RAB27B: variants seen among roughly 807,000 people sequenced by gnomAD.
RAB27B encodes ras-related protein Rab-27B.
RAB27B carries 15 observed loss-of-function variants against 24.6 expected under a neutral mutation model. The ratio of observed to expected loss-of-function variants is 0.61; its 90% CI spans 0.41 to 0.94. The LOEUF is 0.94. Ranked by LOEUF, RAB27B falls within the 40% of genes least tolerant of loss-of-function variation. The pLI is 0.00. For missense variants in RAB27B, 261 were observed against 266.8 expected (o/e 0.98, Z 0.15); for synonymous variants, 105 against 92.5 (o/e 1.14, Z -0.78).
chr18:54,861,204 A>G (rs1374366102), intron 1 of RAB27B, among the ~76,000 whole-genome samples: 1 of 152,216 alleles, frequency 6.6e-6, no homozygotes, highest in Non-Finnish European at 1.5e-5. Flanking sequence ...GCAGCCAGCT[A>G]GAAAATGAAC....
rs28393231 is a variant in RAB27B, at chr18:54,885,648, C to T, written c.343+1212C>T. ...CATCACTCTGTATCCCCTCAACACACTTTATAGGTCATGGCCATCACCTGA... is the reference window on the plus strand; with the variant it reads ...CATCACTCTGTATCCCCTCAACACATTTTATAGGTCATGGCCATCACCTGA... On this transcript the variant is annotated intron_variant, in intron 4 of 5. Coordinates refer to ENST00000262094, the MANE Select transcript of RAB27B (RefSeq NM_004163.4). Among the ~76,000 whole-genome samples, 1,518 of 152,270 alleles carry T rather than the reference C, an allele frequency of 1.0e-2. 23 individuals carry two copies. The highest frequency in any genetic ancestry group is 0.034 in the African/African-American group (1,431 of 41,544).
chr18:54,780,146 T>A (rs1217444080), intron 2 of RAB27B, among the ~76,000 whole-genome samples: 2 of 139,268 alleles, frequency 1.4e-5, no homozygotes, highest in Non-Finnish European at 3.1e-5. Flanking sequence ...CCCCTCACCC[T>A]GTCTCCCCTT....
chr18:54,836,603 A>T (rs933416623), intron 1 of RAB27B, among the ~76,000 whole-genome samples: 1 of 151,962 alleles, frequency 6.6e-6, no homozygotes, highest in Non-Finnish European at 1.5e-5. Flanking sequence ...ATAAATATTA[A>T]CTATATGTTT....
intron 2 of RAB27B, among the ~76,000 whole-genome samples, chr18:54,823,151 T>C (rs1418757610): frequency 2.0e-5 from 3 of 152,252 alleles, no homozygotes; most frequent in Non-Finnish European, 4.4e-5. Flanking sequence ...AGAAAGTCTC[T>C]TAAGCATGTA....
chr18:54,758,910 T>G (rs1380731869), intron 2 of RAB27B, among the ~76,000 whole-genome samples: 1 of 152,136 alleles, frequency 6.6e-6, no homozygotes, highest in South Asian at 2.1e-4. Flanking sequence ...TAAAATGAGG[T>G]TGAGGGATCA....
chr18:54,768,910 A>C lies in RAB27B; in HGVS notation c.-20+50769A>C, dbSNP rs183662550. ...CTGGTCCTGCCCTTGACATGTAGGG[A>C]TTATGGGGATTACAATTCGAGGTGA... On this transcript the variant is annotated intron_variant, in intron 2 of 4. Transcript: ENST00000586570. 2.5e-3 allele frequency among the ~76,000 whole-genome samples: 385 copies of C among 152,202 alleles called. 1 individual carries two copies. Among genetic ancestry groups the C allele is most frequent in the African/African-American group, 8.9e-3 (369 of 41,538 alleles).
intron 1 of RAB27B, among the ~76,000 whole-genome samples, chr18:54,860,068 T>G (rs2012184): frequency 0.27 from 41,247 of 151,990 alleles, 5,629 homozygotes; most frequent in East Asian, 0.46. Context: ...TTTTGTGTTT[T>G]TGTTACATTG....
intron 1 of RAB27B, among the ~76,000 whole-genome samples, chr18:54,836,065 T>C (rs1910881642): frequency 6.6e-6 from 1 of 151,890 alleles, no homozygotes; most frequent in Non-Finnish European, 1.5e-5. Context: ...AGACAGAACA[T>C]ACTGATCACT....
chr18:54,856,643 A>G (rs575852348), intron 1 of RAB27B, among the ~76,000 whole-genome samples: 9 of 152,304 alleles, frequency 5.9e-5, no homozygotes, highest in Admixed American at 5.9e-4. Context: ...AGAACAGGGA[A>G]TGTCAACTGG....
rs1386488487 is a variant in RAB27B at position 54,873,058 on chromosome 18, A to C, written c.-19-4509A>C. On this transcript the variant is annotated intron_variant, in intron 1 of 5. Transcript: ENST00000262094. The stretch of plus-strand genomic sequence containing the variant: ...GGAAATTCTGTTTCTGCATATATCC[A>C]GGATAAAATTCCCTTTCCATATAAA... Among the ~76,000 whole-genome samples the C allele has an allele frequency of 3.3e-5, 5 of 152,124 alleles. No individual in the cohort carries two copies. In the East Asian group the frequency reaches 9.6e-4, roughly 29 times the overall value.
intron 1 of RAB27B, among the ~76,000 whole-genome samples, chr18:54,850,083 A>G (rs1225650690): frequency 6.6e-6 from 1 of 151,878 alleles, no homozygotes; most frequent in Admixed American, 6.6e-5. Flanking sequence ...CTGAAGGGCA[A>G]TTAGCCAACT....
chr18:54,724,499 G>A (rs1909467544), intron 2 of RAB27B, among the ~76,000 whole-genome samples: 1 of 151,294 alleles, frequency 6.6e-6, no homozygotes, highest in Non-Finnish European at 1.5e-5. Flanking sequence ...TTAGGCAGGG[G>A]GATAACTTGA....
intron 2 of RAB27B, among the ~76,000 whole-genome samples, chr18:54,776,791 A>T (rs1908729140): frequency 6.6e-6 from 1 of 152,164 alleles, no homozygotes; most frequent in South Asian, 2.1e-4. Flanking sequence ...TGGCATGGTC[A>T]GGCATGCCCG....
intron 3 of RAB27B, among the ~76,000 whole-genome samples, chr18:54,882,050 C>G (rs190691442): frequency 2.2e-4 from 33 of 152,152 alleles, no homozygotes; most frequent in African/African-American, 6.5e-4. Flanking sequence ...TCAATCAAAG[C>G]ACTATAATCT....
At chr18:54,800,003 A>G (rs1311489993) in intron 2 of RAB27B, among the ~76,000 whole-genome samples, 2 of 152,200 alleles carry the variant, frequency 1.3e-5, no homozygotes, top group Non-Finnish European at 2.9e-5. Flanking sequence ...AACAATCAGT[A>G]AGGACATCAA....
intron 2 of RAB27B, among the ~76,000 whole-genome samples, chr18:54,790,067 T>C (rs1277098549): frequency 3.3e-5 from 5 of 152,070 alleles, no homozygotes; most frequent in African/African-American, 1.2e-4. Flanking sequence ...GGAAAATTAA[T>C]GAAGTTGAGC....
chr18:54,743,809 C>T (rs1343384105), intron 2 of RAB27B, among the ~76,000 whole-genome samples: 1 of 152,142 alleles, frequency 6.6e-6, no homozygotes, highest in Non-Finnish European at 1.5e-5. Context: ...AGATGAGAAA[C>T]CCTTGAAGAG....
At chr18:54,781,614 T>C (rs1007430267) in intron 2 of RAB27B, among the ~76,000 whole-genome samples, 3 of 152,142 alleles carry the variant, frequency 2.0e-5, no homozygotes, top group Admixed American at 1.3e-4. Flanking sequence ...TTTTGCAGCT[T>C]GCATCCATTT....
intron 2 of RAB27B, among the ~76,000 whole-genome samples, chr18:54,764,396 G>A (rs1908293509): frequency 6.6e-6 from 1 of 152,138 alleles, no homozygotes; most frequent in East Asian, 1.9e-4. Context: ...AGGAATTAAA[G>A]TCTTAGCCAT....
Sources: allele counts gnomAD v4.1 joint callset (sites outside exome capture counted in the v4.1 genomes callset), GRCh38; gene constraint gnomAD v4.1.1; transcripts MANE v1.5; gene names NCBI Gene and HGNC (gene_info 2026-07-23, HGNC 2026-07-21).